FOXK1: variants seen among roughly 807,000 people sequenced by gnomAD.
FOXK1 encodes the protein forkhead box K1, also known as forkhead box protein K1.
A neutral mutation model predicts 51.9 loss-of-function variants in FOXK1; 19 were observed. The observed-to-expected ratio is 0.37, with a 90% CI of 0.26 to 0.54. The LOEUF (loss-of-function observed/expected upper bound fraction) is 0.54. Ranked by LOEUF, FOXK1 falls within the 20% of genes least tolerant of loss-of-function variation. The probability of loss-of-function intolerance (pLI) is 0.87; values close to 1 mark genes in which losing one functional copy is unlikely to be tolerated. For missense variants in FOXK1, 870 were observed against 1,032.7 expected (o/e 0.84, Z 2.16); for synonymous variants, 537 against 482.6 (o/e 1.11, Z -1.48).
intron 2 of FOXK1, among the ~76,000 whole-genome samples, chr7:4,744,966 GTGT>G (rs770488428): frequency 2.0e-5 from 3 of 152,238 alleles, no homozygotes; most frequent in African/African-American, 4.8e-5. Flanking sequence ...ATTCAATTGA[GTGT>G]TTAGAAACCT....
intron 1 of FOXK1, among the ~76,000 whole-genome samples, chr7:4,721,589 C>CTTTTTTT (rs200132324): frequency 1.4e-4 from 16 of 112,628 alleles, no homozygotes; most frequent in Admixed American, 2.8e-4. Context: ...TCTTTTTTTT[C>CTTTTTTT]TTTTTTTTTT....
chr7:4,687,266 C>A (rs1176759457), intron 1 of FOXK1, among the ~76,000 whole-genome samples: 1 of 151,050 alleles, frequency 6.6e-6, no homozygotes, highest in East Asian at 2.0e-4. Flanking sequence ...ATGTATCCAA[C>A]TGAATTCTTG....
intron 1 of FOXK1, among the ~76,000 whole-genome samples, chr7:4,689,631 C>T (rs1779867592): frequency 6.6e-6 from 1 of 152,130 alleles, no homozygotes; most frequent in Non-Finnish European, 1.5e-5. Flanking sequence ...TTTCTCATGG[C>T]TATTTCCAAC....
In FOXK1 at chr7:4,729,198, G is replaced by A. The variant is rs113658870; in HGVS notation, c.561-11640G>A. ...GGTGGGGAGCGGAGGTGATTTCGGA[G>A]CCTACTCTCCGATCCTCAGGATCCT... On this transcript the variant is annotated intron_variant, in intron 1 of 8. Transcript: ENST00000328914. This position sits in a 1 kb window ranked among gnomAD's most constrained non-coding sequence, Gnocchi z 6.2. Among the ~76,000 whole-genome samples the A allele has an allele frequency of 0.017, 2,562 of 152,274 alleles. 67 individuals are homozygous for A. The highest frequency in any genetic ancestry group is 0.058 in the African/African-American group (2,391 of 41,542).
rs865920219 is a variant in FOXK1, at chr7:4,703,237, A to C, written c.560+20369A>C. Among the ~76,000 whole-genome samples the C allele has an allele frequency of 2.6e-4, 39 of 152,010 alleles. No individual in the cohort carries two copies. The highest frequency in any genetic ancestry group is 8.7e-4 in the African/African-American group (36 of 41,474). On this transcript the variant is annotated intron_variant, in intron 1 of 8. Coordinates refer to ENST00000328914, the MANE Select transcript of FOXK1 (RefSeq NM_001037165.2). The surrounding 1 kb of genome is among the most constrained non-coding windows in gnomAD (Gnocchi z 5.6). ...AAGTTACAGGCAGGAGCTGGCAATG[A>C]GGAGTCAGGGAGACAGACCTCCAGC... is the stretch of plus-strand genomic sequence containing the variant.
chr7:4,688,272 A>G (rs1779845529), intron 1 of FOXK1, among the ~76,000 whole-genome samples: 1 of 151,964 alleles, frequency 6.6e-6, no homozygotes, highest in African/African-American at 2.4e-5. Context: ...TTCTTAAAAA[A>G]AAAAAAAAAA....
In FOXK1 at chr7:4,757,202, G is replaced by A. The variant is rs141791147; in HGVS notation, c.1244+15G>A. The stretch of plus-strand genomic sequence containing the variant: ...CTGTCCTCAAGGTAAAGTTCTCTGA[G>A]CGCCCGTCCTCCAGCTGTTAGGAAA... On this transcript the variant is annotated intron_variant, in intron 5 of 8. Coordinates refer to ENST00000328914, the MANE Select transcript of FOXK1 (RefSeq NM_001037165.2). The A allele has an allele frequency of 6.3e-7, 1 of 1,576,512 alleles. No homozygotes were observed. Among genetic ancestry groups the A allele is most frequent in the African/African-American group, 1.4e-5 (1 of 73,722 alleles).
At chr7:4,754,730 C>A in intron 3 of FOXK1, 115 bp downstream of exon 3, 1 of 1,313,466 alleles carries the variant, frequency 7.6e-7, no homozygotes, top group Non-Finnish European at 1.0e-6. Flanking sequence ...GAGGTGGTCT[C>A]AGCCCACAGG....
At chr7:4,686,340 A>G (rs1318687332) in intron 1 of FOXK1, among the ~76,000 whole-genome samples, 1 of 152,214 alleles carries the variant, frequency 6.6e-6, no homozygotes, top group African/African-American at 2.4e-5. Flanking sequence ...CACTTCCAGT[A>G]GAGCTCCCAC....
intron 1 of FOXK1, among the ~76,000 whole-genome samples, chr7:4,725,395 T>TC (rs1390360248): frequency 1.6e-4 from 24 of 152,228 alleles, no homozygotes; most frequent in African/African-American, 5.8e-4. Flanking sequence ...GGATTTTTTT[T>TC]CACTGCTGTT....
intron 1 of FOXK1, among the ~76,000 whole-genome samples, chr7:4,737,119 C>G (rs1004373575): frequency 3.3e-5 from 5 of 151,864 alleles, no homozygotes; most frequent in African/African-American, 9.7e-5. Context: ...AATATCCAAA[C>G]CCCGATCTCC....
At chr7:4,721,136 C>T (rs1780304036) in intron 1 of FOXK1, among the ~76,000 whole-genome samples, 1 of 152,232 alleles carries the variant, frequency 6.6e-6, no homozygotes, top group African/African-American at 2.4e-5. Flanking sequence ...CCCGAGTCAG[C>T]AGCCTCCCTC....
intron 5 of FOXK1, among the ~76,000 whole-genome samples, chr7:4,757,771 T>G (rs1315821517): frequency 6.6e-6 from 1 of 151,962 alleles, no homozygotes; most frequent in African/African-American, 2.4e-5. Flanking sequence ...CAGGAGGATG[T>G]GCACAGGTTG....
chr7:4,693,564 T>C (rs543569747), intron 1 of FOXK1, among the ~76,000 whole-genome samples: 3 of 152,320 alleles, frequency 2.0e-5, no homozygotes, highest in Admixed American at 2.0e-4. Context: ...TGCCGTTATT[T>C]TCCCTGGGGG....
chr7:4,727,685 C>T (rs1477847015), intron 1 of FOXK1, among the ~76,000 whole-genome samples: 2 of 152,358 alleles, frequency 1.3e-5, no homozygotes, highest in East Asian at 1.9e-4. Context: ...GCCTGCTGTC[C>T]GTCCCTGCGG....
chr7:4,735,417 C>T lies in FOXK1; in HGVS notation c.561-5421C>T, dbSNP rs367548819. Among the ~76,000 whole-genome samples the T allele has an allele frequency of 1.3e-4, 20 of 152,196 alleles. No individual in the cohort carries two copies. The highest frequency in any genetic ancestry group is 4.8e-4 in the African/African-American group (20 of 41,450). ...CATTGTTCCAGTCCGTGGTTTTCAG[C>T]GCATTCGCAGAGTTGCGCGGCCACC... is the stretch of plus-strand genomic sequence containing the variant. On this transcript the variant is annotated intron_variant, in intron 1 of 8. Coordinates refer to ENST00000328914, the MANE Select transcript of FOXK1 (RefSeq NM_001037165.2). This position sits in a 1 kb window ranked among gnomAD's most constrained non-coding sequence, Gnocchi z 4.7.
intron 1 of FOXK1, among the ~76,000 whole-genome samples, chr7:4,726,942 A>G (rs1226986611): frequency 6.6e-6 from 1 of 152,060 alleles, no homozygotes; most frequent in East Asian, 1.9e-4. Flanking sequence ...GTCAACTACT[A>G]ATTTTAATTT....
intron 2 of FOXK1, among the ~76,000 whole-genome samples, chr7:4,750,298 G>A (rs1262696871): frequency 1.3e-5 from 2 of 152,142 alleles, no homozygotes; most frequent in African/African-American, 2.4e-5. Flanking sequence ...CGAGGCCTGG[G>A]GTACTTACCC....
In FOXK1 at chr7:4,756,879, T is replaced by C. The variant is rs548206173; in HGVS notation, c.1051-115T>C. The C allele has an allele frequency of 1.9e-4, 217 of 1,152,996 alleles. No individual in the cohort carries two copies. Among genetic ancestry groups the C allele is most frequent in the Admixed American group, 3.5e-4 (17 of 48,012 alleles). The allele number at this position is 1,152,996 out of a possible 1,614,324, so 71.4% of individuals were successfully genotyped here. A position where few individuals can be genotyped will look rare whatever the true frequency, so the allele number is the denominator to read the frequency against. On this transcript the variant is annotated intron_variant, in intron 4 of 8. Transcript: ENST00000328914. This position sits in a 1 kb window ranked among gnomAD's most constrained non-coding sequence, Gnocchi z 4.1. Reference sequence around the variant, plus strand: ...CCAGCCAGCACAGCACCAAGGGCTCTGCACAGAGGGACGGCCTCCCCTCAC... The same window carrying C: ...CCAGCCAGCACAGCACCAAGGGCTCCGCACAGAGGGACGGCCTCCCCTCAC...
Sources: gnomAD v4.1 joint callset for allele counts (sites outside exome capture counted in the v4.1 genomes callset) on GRCh38, gnomAD v4.1.1 for gene constraint, Gnocchi (gnomAD v3.1) non-coding constraint, MANE v1.5 for transcripts, NCBI Gene and HGNC (gene_info 2026-07-23, HGNC 2026-07-21) for gene names.